Variants in CALCR observed in about 807,000 individuals in gnomAD.
CALCR encodes the protein calcitonin receptor.
CALCR carries 47 observed loss-of-function variants against 59.5 expected under a neutral mutation model. The ratio of observed to expected loss-of-function variants is 0.79; its 90% CI spans 0.63 to 1.01. CALCR has a LOEUF of 1.01. Among genes scored for constraint, CALCR ranks in the 50% least tolerant of loss-of-function variants. The pLI, the probability that CALCR is intolerant of heterozygous loss-of-function variation, is 0.00. For missense variants in CALCR, 566 were observed against 597.1 expected, an observed-to-expected ratio of 0.95 and a Z score of 0.54; for synonymous variants, 213 against 211.3, an observed-to-expected ratio of 1.01 and a Z score of -0.07.
At chr7:93,434,159 A>C (rs1251755373) in intron 13 of CALCR, 94 bp downstream of exon 13, 3 of 861,950 alleles carry the variant, frequency 3.5e-6, no homozygotes, top group Non-Finnish European at 6.0e-6. Context: ...TCAACTGTAG[A>C]AGTGAGATGA....
chr7:93,430,246 A>G (rs1236374153), intron 13 of CALCR, among the ~76,000 whole-genome samples: 2 of 152,070 alleles, frequency 1.3e-5, no homozygotes, highest in African/African-American at 4.8e-5. Flanking sequence ...AGGTGGTTTT[A>G]TACAACTTCT....
intron 11 of CALCR, among the ~76,000 whole-genome samples, chr7:93,436,924 T>C (rs1055251743): frequency 6.6e-6 from 1 of 152,244 alleles, no homozygotes; most frequent in African/African-American, 2.4e-5. Flanking sequence ...CCAAAAGTGC[T>C]GCTGTCATAA....
chr7:93,559,670 T>G (rs1372509888), intron 2 of CALCR: 2 of 152,208 alleles, frequency 1.3e-5, no homozygotes, highest in Middle Eastern at 6.8e-3. Context: ...AAAGCTAATC[T>G]TCTTTGAAGA....
chr7:93,549,901 C>T (rs1322204536), intron 2 of CALCR, among the ~76,000 whole-genome samples: 2 of 152,118 alleles, frequency 1.3e-5, no homozygotes, highest in African/African-American at 4.8e-5. Flanking sequence ...CTTTAAACAG[C>T]ACAAATAGGC....
intron 2 of CALCR, among the ~76,000 whole-genome samples, chr7:93,522,455 G>A (rs919912145): frequency 1.3e-5 from 2 of 152,102 alleles, no homozygotes; most frequent in African/African-American, 2.4e-5. Context: ...GAGTGTACTT[G>A]CACATAGGTG....
At position 93,436,958 on chromosome 7, in the gene CALCR, G is replaced by C. The variant is rs577156749; in HGVS notation, c.931-788C>G. On this transcript the variant is annotated intron_variant, in intron 11 of 13. Coordinates refer to ENST00000426151, the MANE Select transcript of CALCR (RefSeq NM_001742.4). ...AAATCAAGTGCCCATATTTGCACGG[G>C]CAGCTCTTTCAAAATGAGAAAAATC... Among the ~76,000 whole-genome samples, 71 of 152,214 alleles carry C rather than the reference G, an allele frequency of 4.7e-4. 1 individual carries two copies. The highest frequency in any genetic ancestry group is 1.6e-3 in the African/African-American group (66 of 41,550).
chr7:93,511,053 T>G (rs17165522), intron 2 of CALCR, among the ~76,000 whole-genome samples: 17,671 of 151,658 alleles, frequency 0.12, 2,201 homozygotes, highest in African/African-American at 0.3. Flanking sequence ...TGTAAAAACA[T>G]GCTTAGTGAA....
intron 2 of CALCR, among the ~76,000 whole-genome samples, chr7:93,517,387 A>G (rs1169161459): frequency 6.6e-6 from 1 of 151,488 alleles, no homozygotes; most frequent in African/African-American, 2.4e-5. Context: ...ATAAATTTAG[A>G]TGATATTAAT....
At chr7:93,500,358 A>G (rs1801296113) in intron 2 of CALCR, among the ~76,000 whole-genome samples, 1 of 151,934 alleles carries the variant, frequency 6.6e-6, no homozygotes, top group South Asian at 2.1e-4. Context: ...TATTTTAAGA[A>G]AGAAAGTGCT....
At chr7:93,431,987 G>T (rs1183068388) in intron 13 of CALCR, among the ~76,000 whole-genome samples, 1 of 152,106 alleles carries the variant, frequency 6.6e-6, no homozygotes, top group Non-Finnish European at 1.5e-5. Flanking sequence ...CCACTCACTT[G>T]GAAGAGTCAT....
rs139202851 is a variant in CALCR at position 93,438,270 on chromosome 7, C to A, written c.803G>T (p.Gly268Val). The change falls in exon 10 of 14, where the codon GGG becomes GTG. Residue 268 changes from glycine (G) to valine (V), a missense_variant and splice_region_variant. By Grantham distance (109) the Gly-to-Val change is moderately radical. Coordinates refer to ENST00000426151, the MANE Select transcript of CALCR (RefSeq NM_001742.4). Reference protein sequence around the residue: ...RLRWYYLLGWGFPLVPTTIHA... With the variant: ...RLRWYYLLGWVFPLVPTTIHA... ...GATAGTGGTTGGCACCAGCGGGAAC[C>A]CTACAAATGTGAAAAGTACAAATCA... 2.2e-5 allele frequency: 36 copies of A among 1,610,962 alleles called. No individual in the cohort carries two copies. The highest frequency in any genetic ancestry group is 3.1e-5 in the Non-Finnish European group (36 of 1,177,306).
chr7:93,459,908 G>A (rs568999447), intron 8 of CALCR, among the ~76,000 whole-genome samples: 1 of 152,282 alleles, frequency 6.6e-6, no homozygotes, highest in South Asian at 2.1e-4. Context: ...ATATTTGCTT[G>A]TTGCAATTGT....
chr7:93,519,107 T>A (rs542201837), intron 2 of CALCR, among the ~76,000 whole-genome samples: 1 of 152,110 alleles, frequency 6.6e-6, no homozygotes, highest in South Asian at 2.1e-4. Flanking sequence ...AGAGTTCTTA[T>A]ATGAAGGCTT....
intron 7 of CALCR, among the ~76,000 whole-genome samples, chr7:93,461,342 G>T (rs1038979546): frequency 5.3e-5 from 8 of 152,126 alleles, no homozygotes; most frequent in Admixed American, 5.2e-4. Context: ...AAAATATGTG[G>T]CCAGTGAGGT....
intron 8 of CALCR, among the ~76,000 whole-genome samples, chr7:93,453,238 T>C (rs1409233286): frequency 1.3e-5 from 2 of 152,054 alleles, no homozygotes; most frequent in African/African-American, 4.8e-5. Context: ...GTGTGTCAGA[T>C]GACGTTTTGT....
intron 2 of CALCR, among the ~76,000 whole-genome samples, chr7:93,560,910 A>C (rs1032494239): frequency 2.6e-5 from 4 of 152,190 alleles, no homozygotes; most frequent in African/African-American, 9.6e-5. Flanking sequence ...TCTGAGTTGT[A>C]GTTTTCTCAA....
intron 2 of CALCR, among the ~76,000 whole-genome samples, chr7:93,528,244 T>C (rs1788729130): frequency 6.6e-6 from 1 of 152,210 alleles, no homozygotes. Flanking sequence ...TCAAAGTACA[T>C]GCTCAATAAG....
intron 2 of CALCR, among the ~76,000 whole-genome samples, chr7:93,497,154 A>G (rs1562997092): frequency 1.3e-5 from 2 of 151,562 alleles, no homozygotes; most frequent in East Asian, 1.9e-4. Flanking sequence ...TGTGACACAC[A>G]ATGTAAGAGA....
rs549567186 is a variant in CALCR at position 93,539,601 on chromosome 7, A to G, written c.-27+34688T>C. ...CTAGATGGTATAGGTCCCTGGAATC[A>G]GGCATGTATGACCTAGGGTTATATC... On this transcript the variant is annotated intron_variant, in intron 2 of 13. Transcript: ENST00000426151. 1.1e-3 allele frequency among the ~76,000 whole-genome samples: 162 copies of G among 152,266 alleles called. 1 individual carries two copies. Among genetic ancestry groups the G allele is most frequent in the Non-Finnish European group, 2.0e-3 (135 of 68,022 alleles).
Sources: allele counts gnomAD v4.1 joint callset (sites outside exome capture counted in the v4.1 genomes callset), GRCh38; gene constraint gnomAD v4.1.1; transcripts MANE v1.5; gene names NCBI Gene and HGNC (gene_info 2026-07-23, HGNC 2026-07-21).